BICD1: variants seen among roughly 807,000 people sequenced by gnomAD.
BICD1 encodes the protein protein bicaudal D homolog 1.
In BICD1, 35 loss-of-function variants were observed where a neutral mutation model predicts 92.5. The ratio of observed to expected loss-of-function variants is 0.38; its 90% CI spans 0.29 to 0.50. The LOEUF is 0.50. Ranked by LOEUF, BICD1 falls within the 20% of genes least tolerant of loss-of-function variation. The pLI, the probability that BICD1 is intolerant of heterozygous loss-of-function variation, is 0.93. For synonymous variants in BICD1, 429 were observed against 465.1 expected (o/e 0.92, Z 1.00); for missense variants, 950 against 1,189.8 (o/e 0.80, Z 2.97).
intron 1 of BICD1, among the ~76,000 whole-genome samples, chr12:32,152,902 C>A (rs1024926524): frequency 6.6e-6 from 1 of 152,142 alleles, no homozygotes; most frequent in African/African-American, 2.4e-5. Context: ...GCTTCAGTAG[C>A]AAAACTGCTC....
At chr12:32,172,289 TTA>T (rs140387813) in intron 1 of BICD1, among the ~76,000 whole-genome samples, 3,389 of 152,224 alleles carry the variant, frequency 0.022, 40 homozygotes, top group Non-Finnish European at 0.033. Context: ...CAGATACTAG[TTA>T]TATAGAGATG....
In BICD1 at chr12:32,338,878, C is replaced by T. The variant is rs994501899; in HGVS notation, c.2663C>T (p.Thr888Ile). 2.5e-6 allele frequency: 4 copies of T among 1,609,198 alleles called. No homozygotes were observed. The South Asian group carries it at 4.4e-5, about 18-fold the overall frequency. The change falls in exon 8 of 10, where the codon ACC becomes ATC. Residue 888 changes from threonine (T) to isoleucine (I), a missense_variant. By Grantham distance (89) the Thr-to-Ile change is moderately conservative. This residue lies in a region of BICD1 where 179 missense variants were observed against 186.7 expected (regional missense o/e 0.96). Coordinates refer to ENST00000652176, the MANE Select transcript of BICD1 (RefSeq NM_001714.4). Reference protein sequence around the residue: ...QNLLRVPPDPTSTESFLLKGP... With the variant: ...QNLLRVPPDPISTESFLLKGP... ...TTATTAAGAGTTCCCCCTGATCCCA[C>T]CTCCACAGAATCATTTCTTCTGAAG...
At chr12:32,125,299 A>G (rs1202539091) in intron 1 of BICD1, among the ~76,000 whole-genome samples, 1 of 152,008 alleles carries the variant, frequency 6.6e-6, no homozygotes, top group Admixed American at 6.6e-5. Context: ...AGCTCTTTCC[A>G]TACTAGACTT....
At chr12:32,145,006 A>G (rs1406629641) in intron 1 of BICD1, among the ~76,000 whole-genome samples, 1 of 152,238 alleles carries the variant, frequency 6.6e-6, no homozygotes, top group African/African-American at 2.4e-5. Flanking sequence ...CTGATGGTTG[A>G]ATAATATACT....
chr12:32,194,608 G>C (rs576535221), intron 1 of BICD1, among the ~76,000 whole-genome samples: 1 of 152,298 alleles, frequency 6.6e-6, no homozygotes, highest in African/African-American at 2.4e-5. Context: ...TAGGCCAGGC[G>C]TGGTGGCTCA....
intron 2 of BICD1, among the ~76,000 whole-genome samples, chr12:32,267,172 C>A (rs1391575335): frequency 6.6e-6 from 1 of 152,228 alleles, no homozygotes; most frequent in Admixed American, 6.5e-5. Context: ...ACACCTGATA[C>A]TACTATGTGT....
intron 1 of BICD1, among the ~76,000 whole-genome samples, chr12:32,186,499 C>A (rs1944427179): frequency 6.6e-6 from 1 of 152,132 alleles, no homozygotes; most frequent in African/African-American, 2.4e-5. Flanking sequence ...ATAAAACCAA[C>A]ATGTCTAAAT....
chr12:32,224,389 T>A (rs78509610), intron 2 of BICD1, among the ~76,000 whole-genome samples: 2,227 of 152,358 alleles, frequency 0.015, 58 homozygotes, highest in African/African-American at 0.051. Flanking sequence ...AGCTTAGCAC[T>A]TTACTACGTT....
At chr12:32,168,432 A>G (rs1390341006) in intron 1 of BICD1, among the ~76,000 whole-genome samples, 1 of 152,190 alleles carries the variant, frequency 6.6e-6, no homozygotes, top group Non-Finnish European at 1.5e-5. Flanking sequence ...CATGGAAGCC[A>G]ACTGCTCAGT....
intron 2 of BICD1, among the ~76,000 whole-genome samples, chr12:32,220,788 T>C (rs1945493648): frequency 7.4e-6 from 1 of 135,932 alleles, no homozygotes; most frequent in South Asian, 2.7e-4. Flanking sequence ...TAAAGACACA[T>C]GCACACGTAT....
At chr12:32,215,033 A>G (rs1945311336) in intron 1 of BICD1, among the ~76,000 whole-genome samples, 1 of 152,186 alleles carries the variant, frequency 6.6e-6, no homozygotes, top group African/African-American at 2.4e-5. Context: ...GTTTGAGACC[A>G]GCCTGGCCAA....
At chr12:32,301,973 G>A (rs956692049) in intron 3 of BICD1, among the ~76,000 whole-genome samples, 5 of 152,064 alleles carry the variant, frequency 3.3e-5, no homozygotes, top group African/African-American at 1.2e-4. Flanking sequence ...TGCAACCTCT[G>A]CTTCCTGGGT....
In BICD1 at chr12:32,305,944, G is replaced by A. The variant is rs1288936980; in HGVS notation, c.827G>A (p.Gly276Glu). 1.2e-6 allele frequency: 2 copies of A among 1,614,182 alleles called. No individual in the cohort carries two copies. The highest frequency in any genetic ancestry group is 1.1e-5 in the South Asian group (1 of 91,080). Residue 276 changes from glycine to glutamate, a missense_variant, in exon 4 of 10, where the codon GGG (glycine) becomes GAG (glutamate). By Grantham distance (98) the Gly-to-Glu change is moderately conservative (BLOSUM62 -2). Coordinates refer to ENST00000652176, the MANE Select transcript of BICD1 (RefSeq NM_001714.4). The part of the protein sequence containing the change: ...SVDGLKFAED[G>E]SEPNNDDKMN... Reference sequence around the variant, plus strand: ...GATGGACTCAAATTTGCCGAGGATGGGAGTGAACCAAACAATGATGACAAA... The same window carrying A: ...GATGGACTCAAATTTGCCGAGGATGAGAGTGAACCAAACAATGATGACAAA...
chr12:32,169,601 C>G (rs1444131478), intron 1 of BICD1, among the ~76,000 whole-genome samples: 1 of 151,946 alleles, frequency 6.6e-6, no homozygotes, highest in Non-Finnish European at 1.5e-5. Flanking sequence ...ATATACTAGA[C>G]TTTTCTAGAA....
intron 1 of BICD1, among the ~76,000 whole-genome samples, chr12:32,163,997 CAG>C (rs1943677718): frequency 6.6e-6 from 1 of 152,120 alleles, no homozygotes; most frequent in South Asian, 2.1e-4. Flanking sequence ...TTTTTTAAGA[CAG>C]AGTCTCACTT....
At chr12:32,164,517 A>G (rs1197081840) in intron 1 of BICD1, among the ~76,000 whole-genome samples, 1 of 152,174 alleles carries the variant, frequency 6.6e-6, no homozygotes, top group East Asian at 1.9e-4. Flanking sequence ...AGTATTTTAG[A>G]CTGCAAAATT....
chr12:32,245,256 T>TGG (rs1555155790), intron 2 of BICD1, among the ~76,000 whole-genome samples: 2 of 68,612 alleles, frequency 2.9e-5, no homozygotes, highest in South Asian at 9.4e-4. Context: ...TTTTGTTTTT[T>TGG]TTTTTTTTGA....
intron 4 of BICD1, among the ~76,000 whole-genome samples, chr12:32,326,353 G>A (rs1370510755): frequency 6.6e-6 from 1 of 152,010 alleles, no homozygotes; most frequent in East Asian, 1.9e-4. Context: ...CATATGGAAG[G>A]AGAGAAAATG....
chr12:32,239,246 CAAAAAAAA>C (rs528710775), intron 2 of BICD1, among the ~76,000 whole-genome samples: 1 of 99,288 alleles, frequency 1.0e-5, no homozygotes, highest in Non-Finnish European at 2.1e-5. Context: ...GACTCCGTCT[CAAAAAAAA>C]AAAAAAAAAA....
Sources: allele counts gnomAD v4.1 joint callset (sites outside exome capture counted in the v4.1 genomes callset), GRCh38; gene constraint gnomAD v4.1.1; regional missense constraint gnomAD v4.1.1; transcripts MANE v1.5; gene names NCBI Gene and HGNC (gene_info 2026-07-23, HGNC 2026-07-21).